Variants in GRIK2 observed in about 807,000 individuals in gnomAD.
GRIK2 encodes glutamate ionotropic receptor kainate type subunit 2, also known as glutamate receptor ionotropic, kainate 2.
GRIK2 carries 32 observed loss-of-function variants against 100.3 expected under a neutral mutation model. That is an observed-to-expected ratio of 0.32 (90% CI 0.24 to 0.43). GRIK2 has a LOEUF of 0.43. Among genes scored for constraint, GRIK2 ranks in the 20% least tolerant of loss-of-function variants. GRIK2 has a pLI of 1.00. For synonymous variants in GRIK2, 417 were observed against 389.4 expected, an observed-to-expected ratio of 1.07 and a Z score of -0.83; for missense variants, 843 against 1,114.9, an observed-to-expected ratio of 0.76 and a Z score of 3.47.
At chr6:101,968,152 A>G (rs1360212139) in intron 14 of GRIK2, among the ~76,000 whole-genome samples, 3 of 152,050 alleles carry the variant, frequency 2.0e-5, no homozygotes, top group Admixed American at 1.3e-4. Context: ...AAAACCATGC[A>G]TCTTATGCAA....
intron 2 of GRIK2, among the ~76,000 whole-genome samples, chr6:101,449,050 T>A (rs969724240): frequency 6.6e-6 from 1 of 151,428 alleles, no homozygotes; most frequent in Non-Finnish European, 1.5e-5. Flanking sequence ...TTCTTATGAG[T>A]TTATGAGGAA....
chr6:101,436,712 C>A (rs1292591686), intron 2 of GRIK2, among the ~76,000 whole-genome samples: 1 of 151,560 alleles, frequency 6.6e-6, no homozygotes, highest in Non-Finnish European at 1.5e-5. Flanking sequence ...GATTTAAGAT[C>A]TTTTAGTTTT....
chr6:101,877,394 C>A (rs892373144), intron 11 of GRIK2, among the ~76,000 whole-genome samples: 9 of 151,822 alleles, frequency 5.9e-5, no homozygotes, highest in African/African-American at 2.2e-4. Context: ...ATTTACATAG[C>A]ATTTACATTG....
Position 102,068,817 on chromosome 6 carries a change from G to T in GRIK2, c.*306G>T, listed in dbSNP as rs1215358295. ...AATGCAGTCCAGTGAGAAATTACAG[G>T]TTCCTTTTGAAGCTCAACTGTTGCC... On this transcript the variant is annotated 3_prime_UTR_variant, in exon 17 of 17. Transcript: ENST00000369134. The T allele has an allele frequency of 9.9e-6, 2 of 202,728 alleles. No homozygotes were observed. The highest frequency in any genetic ancestry group is 5.7e-5 in the Admixed American group (1 of 17,570). 12.6% of individuals were successfully genotyped at this position (202,728 alleles called of 1,614,324 possible). A position where few individuals can be genotyped will look rare whatever the true frequency, so the allele number is the denominator to read the frequency against.
chr6:101,647,273 TTGCAGCTGA>T (rs1259270662), intron 4 of GRIK2, among the ~76,000 whole-genome samples: 1 of 151,914 alleles, frequency 6.6e-6, no homozygotes, highest in Non-Finnish European at 1.5e-5. Flanking sequence ...AGGAGAGACT[TTGCAGCTGA>T]TGCTAAACAA....
intron 2 of GRIK2, among the ~76,000 whole-genome samples, chr6:101,459,504 A>G (rs534636840): frequency 2.6e-5 from 4 of 152,278 alleles, no homozygotes; most frequent in Admixed American, 1.3e-4. Flanking sequence ...GAAGCTACGC[A>G]TTTTTTTAGA....
intron 7 of GRIK2, among the ~76,000 whole-genome samples, chr6:101,704,426 G>C (rs989370878): frequency 6.6e-6 from 1 of 151,506 alleles, no homozygotes; most frequent in African/African-American, 2.4e-5. Context: ...AAAATTAAAA[G>C]ATGCATGCAA....
chr6:101,619,164 C>G (rs1780029354), intron 2 of GRIK2, among the ~76,000 whole-genome samples: 1 of 150,882 alleles, frequency 6.6e-6, no homozygotes, highest in East Asian at 2.0e-4. Flanking sequence ...TTTTTTTCAT[C>G]TCCTTCCACA....
chr6:101,586,728 A>AG (rs1031804204), intron 2 of GRIK2, among the ~76,000 whole-genome samples: 9 of 151,394 alleles, frequency 5.9e-5, no homozygotes, highest in African/African-American at 1.7e-4. Flanking sequence ...TAAAAAAAAA[A>AG]CAAATTAAAA....
rs562794548 is a variant in GRIK2, at chr6:101,674,911, A to T, written c.542-1712A>T. Among the ~76,000 whole-genome samples, 13 of 152,260 alleles carry T rather than the reference A, an allele frequency of 8.5e-5. No homozygotes were observed. The South Asian group carries it at 2.7e-3, about 32-fold the overall frequency. On this transcript the variant is annotated intron_variant, in intron 4 of 16. Transcript: ENST00000369134. ...TTTTATTGTTAATTGATACATAATA[A>T]TTTTGCATATTTATGGAGTATAATG...
At chr6:101,991,173 C>T (rs1794347920) in intron 14 of GRIK2, among the ~76,000 whole-genome samples, 1 of 151,800 alleles carries the variant, frequency 6.6e-6, no homozygotes, top group Non-Finnish European at 1.5e-5. Flanking sequence ...GTCTCAATCA[C>T]ACAATGATTA....
chr6:101,434,252 T>C (rs1416169307), intron 2 of GRIK2, among the ~76,000 whole-genome samples: 1 of 152,212 alleles, frequency 6.6e-6, no homozygotes, highest in East Asian at 1.9e-4. Flanking sequence ...ATGGGATACA[T>C]ATCCTAGGAC....
chr6:101,978,230 G>C lies in GRIK2; in HGVS notation c.2085+49598G>C, dbSNP rs369783901. ...AGTCTGTATATCACAGGTGTTTCAAGATTAAAGGCAGGGGAGTGGTCTCTT... is the reference window on the plus strand; with the variant it reads ...AGTCTGTATATCACAGGTGTTTCAACATTAAAGGCAGGGGAGTGGTCTCTT... On this transcript the variant is annotated intron_variant, in intron 14 of 16. Coordinates refer to ENST00000369134, the MANE Select transcript of GRIK2 (RefSeq NM_021956.5). Among the ~76,000 whole-genome samples the C allele has an allele frequency of 3.9e-5, 6 of 152,042 alleles. 1 individual carries two copies. Among genetic ancestry groups the C allele is most frequent in the African/African-American group, 1.4e-4 (6 of 41,504 alleles).
intron 5 of GRIK2, among the ~76,000 whole-genome samples, chr6:101,679,870 C>G (rs1771113226): frequency 6.6e-6 from 1 of 152,078 alleles, no homozygotes; most frequent in African/African-American, 2.4e-5. Context: ...TCCTGAGTAG[C>G]CGGTATTACA....
chr6:101,550,208 AT>A (rs1371557817), intron 2 of GRIK2, among the ~76,000 whole-genome samples: 2 of 152,176 alleles, frequency 1.3e-5, no homozygotes, highest in Non-Finnish European at 2.9e-5. Context: ...ATTAAACAGA[AT>A]CTGTGGTGGC....
chr6:101,690,572 T>C (rs960750035), intron 7 of GRIK2, among the ~76,000 whole-genome samples: 2 of 152,158 alleles, frequency 1.3e-5, no homozygotes, highest in Non-Finnish European at 2.9e-5. Flanking sequence ...CTTTCTAGTA[T>C]GATTTTTTTC....
chr6:101,889,000 A>G (rs1582463490), intron 11 of GRIK2, among the ~76,000 whole-genome samples: 1 of 152,120 alleles, frequency 6.6e-6, no homozygotes, highest in East Asian at 1.9e-4. Flanking sequence ...AAAATGGAAA[A>G]ACTCATTTCC....
chr6:101,542,845 CT>C (rs1415285931), intron 2 of GRIK2, among the ~76,000 whole-genome samples: 1 of 151,878 alleles, frequency 6.6e-6, no homozygotes, highest in African/African-American at 2.4e-5. Context: ...TAATTATGCC[CT>C]TTTTTTGTTT....
intron 7 of GRIK2, among the ~76,000 whole-genome samples, chr6:101,733,212 T>C (rs1439629057): frequency 6.6e-6 from 1 of 152,146 alleles, no homozygotes; most frequent in Non-Finnish European, 1.5e-5. Context: ...ATCTAAATAC[T>C]ATCTAAATCA....
Sources: allele counts gnomAD v4.1 joint callset (sites outside exome capture counted in the v4.1 genomes callset), GRCh38; gene constraint gnomAD v4.1.1; transcripts MANE v1.5; gene names NCBI Gene and HGNC (gene_info 2026-07-23, HGNC 2026-07-21).